FAM204A: variants seen among roughly 807,000 people sequenced by gnomAD.
FAM204A encodes the protein protein FAM204A.
FAM204A carries 16 observed loss-of-function variants against 35.4 expected under a neutral mutation model. That is an observed-to-expected ratio of 0.45 (90% CI 0.31 to 0.69). The LOEUF is 0.69. Ranked by LOEUF, FAM204A falls within the 30% of genes least tolerant of loss-of-function variation. FAM204A has a pLI of 0.07. For missense variants in FAM204A, 240 were observed against 265.7 expected (o/e 0.90, Z 0.67); for synonymous variants, 76 against 86.9 (o/e 0.88, Z 0.70).
At position 118,335,205 on chromosome 10, in the gene FAM204A, G is replaced by A; in HGVS notation, c.362C>T (p.Ser121Phe). 10 of 1,612,808 alleles carry A rather than the reference G, an allele frequency of 6.2e-6. No homozygotes were observed. The highest frequency in any genetic ancestry group is 8.5e-6 in the Non-Finnish European group (10 of 1,179,528). Residue 121 changes from serine (S) to phenylalanine (F), a missense_variant, in exon 6 of 9, where the codon TCC (serine) becomes TTC (phenylalanine). Physicochemically the swap from Ser to Phe is radical, Grantham distance 155 (BLOSUM62 -2). Around this residue, in one of 2 missense-constraint regions of FAM204A, gnomAD observed 232 missense variants for 242.8 expected, o/e 0.96. Transcript: ENST00000369183. ...CTCTTTCCACTGGGTTTCATTTGAG[G>A]ACGGTTCACTAAAAGAAGATAGTAA... ...KNEKELHSEPSSNETQWKELT... is the reference protein window; with the variant it reads ...KNEKELHSEPFSNETQWKELT...
chr10:118,334,691 A>C (rs1231584741), intron 6 of FAM204A, among the ~76,000 whole-genome samples: 1 of 152,188 alleles, frequency 6.6e-6, no homozygotes, highest in Non-Finnish European at 1.5e-5. Flanking sequence ...CTGTAATCAT[A>C]TAGTGGGCTA....
chr10:118,330,623 C>T (rs888895687), intron 6 of FAM204A, among the ~76,000 whole-genome samples: 3 of 152,192 alleles, frequency 2.0e-5, no homozygotes, highest in African/African-American at 7.2e-5. Context: ...TTTTCTCTTT[C>T]TGACAATTTA....
intron 6 of FAM204A, among the ~76,000 whole-genome samples, chr10:118,329,657 C>T (rs1846258308): frequency 6.6e-6 from 1 of 152,180 alleles, no homozygotes. Context: ...GTCTGACACA[C>T]TACAGTGAGT....
At position 118,300,103 on chromosome 10, in the gene FAM204A, T is replaced by C. The variant is rs1364081234; in HGVS notation, c.*10754A>G. The C allele has an allele frequency of 6.6e-6, 1 of 152,168 alleles. No individual in the cohort carries two copies. Among genetic ancestry groups the C allele is most frequent in the Non-Finnish European group, 1.5e-5 (1 of 68,050 alleles). The allele number at this position is 152,168 out of a possible 1,614,324, so 9.4% of individuals were successfully genotyped here. On this transcript the variant is annotated 3_prime_UTR_variant, in exon 9 of 9. Coordinates refer to ENST00000369183, the MANE Select transcript of FAM204A (RefSeq NM_022063.3). ...GGCCATCTTAATGGGCTGGACACCC[T>C]AGAATGGAAGTGTTTAAGCAGGGTC...
chr10:118,329,525 C>T (rs970328823), intron 6 of FAM204A, among the ~76,000 whole-genome samples: 1 of 152,130 alleles, frequency 6.6e-6, no homozygotes, highest in African/African-American at 2.4e-5. Flanking sequence ...ATGTTACCTT[C>T]TCTATCTACG....
In FAM204A at chr10:118,298,207, C is replaced by T. The variant is rs541974180; in HGVS notation, c.*12650G>A. 1 of 152,308 alleles carries T rather than the reference C, an allele frequency of 6.6e-6. No homozygotes were observed. The highest frequency in any genetic ancestry group is 1.5e-5 in the Non-Finnish European group (1 of 68,042). The allele number at this position is 152,308 out of a possible 1,614,324, so 9.4% of individuals were successfully genotyped here. Reference sequence around the variant, plus strand: ...CCCTGGAACTAACCCATCTACTTTCCTTGAATCTCTTCCTAGACAGGCCCC... The same window carrying T: ...CCCTGGAACTAACCCATCTACTTTCTTTGAATCTCTTCCTAGACAGGCCCC... On this transcript the variant is annotated 3_prime_UTR_variant, in exon 9 of 9. Coordinates refer to ENST00000369183, the MANE Select transcript of FAM204A (RefSeq NM_022063.3).
In FAM204A at chr10:118,310,301, C is replaced by A. The variant is rs1845928691; in HGVS notation, c.*556G>T. The A allele has an allele frequency of 1.3e-5, 2 of 150,396 alleles. No homozygotes were observed. The highest frequency in any genetic ancestry group is 6.7e-5 in the Admixed American group (1 of 15,024). 9.3% of individuals were successfully genotyped at this position (150,396 alleles called of 1,614,324 possible). A position where few individuals can be genotyped will look rare whatever the true frequency, so the allele number is the denominator to read the frequency against. On this transcript the variant is annotated 3_prime_UTR_variant, in exon 9 of 9. Coordinates refer to ENST00000369183, the MANE Select transcript of FAM204A (RefSeq NM_022063.3). ...CCAGCCTGACCAACACAGCAAAACT[C>A]TGTCTCTACTAAAAATACAAAAAAA...
intron 6 of FAM204A, among the ~76,000 whole-genome samples, chr10:118,330,057 A>C (rs1267381827): frequency 2.0e-5 from 3 of 152,210 alleles, no homozygotes; most frequent in Admixed American, 6.5e-5. Flanking sequence ...CCAGAGCTTA[A>C]AATAGTACCT....
At chr10:118,313,236 T>C (rs544542720) in intron 7 of FAM204A, among the ~76,000 whole-genome samples, 175 of 151,928 alleles carry the variant, frequency 1.2e-3, no homozygotes, top group Non-Finnish European at 1.8e-3. Context: ...CAAATCTCAC[T>C]AGCTAACTTC....
chr10:118,317,487 C>T (rs912409968), intron 7 of FAM204A, among the ~76,000 whole-genome samples: 1 of 151,806 alleles, frequency 6.6e-6, no homozygotes, highest in African/African-American at 2.4e-5. Flanking sequence ...GAGGTGATCA[C>T]CCAATCATAC....
At chr10:118,338,786 T>C (rs1413746233) in intron 2 of FAM204A, among the ~76,000 whole-genome samples, 2 of 152,070 alleles carry the variant, frequency 1.3e-5, no homozygotes, top group Admixed American at 6.6e-5. Flanking sequence ...CTCTGCAGGG[T>C]GATAGTCTAT....
At chr10:118,329,342 C>T (rs1363410586) in intron 6 of FAM204A, among the ~76,000 whole-genome samples, 1 of 152,180 alleles carries the variant, frequency 6.6e-6, no homozygotes, top group Admixed American at 6.5e-5. Context: ...CTCTGAATAA[C>T]ATCCCACTCC....
At chr10:118,316,929 G>A (rs144059416) in intron 7 of FAM204A, among the ~76,000 whole-genome samples, 5 of 152,076 alleles carry the variant, frequency 3.3e-5, no homozygotes, top group Admixed American at 3.3e-4. Context: ...TTATATTCAA[G>A]CAACTTATGC....
Position 118,311,238 on chromosome 10 carries a change from C to T in FAM204A, c.619G>A (p.Ala207Thr), listed in dbSNP as rs1589718316. Residue 207 changes from alanine to threonine, a missense_variant, in exon 8 of 9, where the codon GCT becomes ACT. By Grantham distance (58) the Ala-to-Thr change is moderately conservative (BLOSUM62 0). Coordinates refer to ENST00000369183, the MANE Select transcript of FAM204A (RefSeq NM_022063.3). ...KAKKEVENSQ[A>T]ARKKKKLAWG... ...GCAAGTTTCTTCTTTTTTCGGGCAG[C>T]CTGTGAATTTTCAACCTCCTTTTTG... is the stretch of plus-strand genomic sequence containing the variant. 6.2e-7 allele frequency: 1 copy of T among 1,611,018 alleles called. No individual in the cohort carries two copies. Among genetic ancestry groups the T allele is most frequent in the East Asian group, 2.2e-5 (1 of 44,848 alleles).
chr10:118,321,724 C>CAAAAAAAAAAAAAAA (rs200200755), intron 7 of FAM204A, among the ~76,000 whole-genome samples: 42 of 87,182 alleles, frequency 4.8e-4, no homozygotes, highest in Non-Finnish European at 5.8e-4. Flanking sequence ...TATGACAAAG[C>CAAAAAAAAAAAAAAA]AAAAAAAAAA....
intron 2 of FAM204A, chr10:118,337,237 C>T (rs1196017125): frequency 1.0e-6 from 1 of 984,880 alleles, no homozygotes; most frequent in African/African-American, 1.7e-5. Context: ...CACTATTGAT[C>T]TTCATGGCAC....
At chr10:118,333,771 T>C (rs1846329118) in intron 6 of FAM204A, among the ~76,000 whole-genome samples, 2 of 152,180 alleles carry the variant, frequency 1.3e-5, no homozygotes, top group Non-Finnish European at 2.9e-5. Flanking sequence ...ATGTAATTTA[T>C]ATGGATGAAT....
chr10:118,339,037 T>C (rs145847950), intron 2 of FAM204A, among the ~76,000 whole-genome samples: 151 of 152,282 alleles, frequency 9.9e-4, no homozygotes, highest in African/African-American at 3.6e-3. Context: ...GAAAAAAAAT[T>C]AAAATAGTTT....
At chr10:118,318,948 G>GAGGCC (rs1846071608) in intron 7 of FAM204A, among the ~76,000 whole-genome samples, 1 of 151,274 alleles carries the variant, frequency 6.6e-6, no homozygotes, top group Non-Finnish European at 1.5e-5. Flanking sequence ...TTCCCAGGGG[G>GAGGCC]AGGGGACTTC....
Sources: gnomAD v4.1 joint callset for allele counts (sites outside exome capture counted in the v4.1 genomes callset) on GRCh38, gnomAD v4.1.1 for gene constraint, gnomAD v4.1.1 regional missense constraint, MANE v1.5 for transcripts, NCBI Gene and HGNC (gene_info 2026-07-23, HGNC 2026-07-21) for gene names.